Variants in DHX9 observed in about 807,000 individuals in gnomAD.
DHX9 encodes the protein ATP-dependent RNA helicase A.
A neutral mutation model predicts 148.7 loss-of-function variants in DHX9; 27 were observed. The observed-to-expected ratio is 0.18, with a 90% CI of 0.13 to 0.25. The LOEUF is 0.25. Ranked by LOEUF, DHX9 falls within the 10% of genes least tolerant of loss-of-function variation. The pLI is 1.00. For missense variants in DHX9, 796 were observed against 1,559.6 expected (o/e 0.51, Z 8.25); for synonymous variants, 529 against 516.6 (o/e 1.02, Z -0.33).
At chr1:182,868,775 A>G (rs1648413937) in intron 14 of DHX9, among the ~76,000 whole-genome samples, 1 of 152,040 alleles carries the variant, frequency 6.6e-6, no homozygotes, top group Non-Finnish European at 1.5e-5. Flanking sequence ...CCTGGCCTCA[A>G]AGCATTTCTT....
intron 8 of DHX9, 132 bp from the exon 9 acceptor site, chr1:182,858,418 TG>T: frequency 9.4e-7 from 1 of 1,064,582 alleles, no homozygotes; most frequent in Non-Finnish European, 1.4e-6. Context: ...AAATAATCAT[TG>T]AAGTAATTCT....
At chr1:182,872,299 A>C (rs1648584423) in intron 14 of DHX9, 38 bp from the exon 15 acceptor site, 1 of 1,565,390 alleles carries the variant, frequency 6.4e-7, no homozygotes, top group African/African-American at 1.4e-5. Context: ...ATATAAACTT[A>C]ATGTAATTTC....
Position 182,858,316 on chromosome 1 carries a change from A to T in DHX9, c.810+76A>T, listed in dbSNP as rs1355295239. ...GCTCTTGTTTAGTGTTTGGCTGAAG[A>T]AGTTTAATTTTAAGAATCTTACCTC... On this transcript the variant is annotated intron_variant, in intron 8 of 27. Coordinates refer to ENST00000367549, the MANE Select transcript of DHX9 (RefSeq NM_001357.5). 4.0e-6 allele frequency: 6 copies of T among 1,515,092 alleles called. No individual in the cohort carries two copies. In the Admixed American group the frequency reaches 1.0e-4, roughly 26 times the overall value. The allele number at this position is 1,515,092 out of a possible 1,614,324, so 93.9% of individuals were successfully genotyped here. A position where few individuals can be genotyped will look rare whatever the true frequency, so the allele number is the denominator to read the frequency against.
intron 3 of DHX9, among the ~76,000 whole-genome samples, chr1:182,846,697 G>A (rs373396948): frequency 1.6e-4 from 24 of 152,234 alleles, no homozygotes; most frequent in African/African-American, 5.3e-4. Context: ...TGTTGTGACC[G>A]GGCATGGGTT....
intron 25 of DHX9, 49 bp from the exon 26 acceptor site, chr1:182,883,471 G>T: frequency 6.3e-7 from 1 of 1,581,102 alleles, no homozygotes; most frequent in Non-Finnish European, 8.7e-7. Flanking sequence ...AGCGGTATTT[G>T]GAAGTTGGAA....
Position 182,876,469 on chromosome 1 carries a change from A to T in DHX9, c.2052A>T (p.Leu684=). ...TAGGAAGCCATCGGTATCAGATTCT[A>T]CCCCTGCATTCTCAGATTCCTCGAG... The part of the protein sequence containing the change: ...PHFGSHRYQI[L]PLHSQIPREE... The change falls in exon 18 of 28, where the codon CTA becomes CTT. Residue 684 remains leucine, a synonymous_variant. Transcript: ENST00000367549. 1.9e-6 allele frequency: 3 copies of T among 1,613,518 alleles called. No individual in the cohort carries two copies. Among genetic ancestry groups the T allele is most frequent in the Non-Finnish European group, 1.7e-6 (2 of 1,179,806 alleles).
intron 26 of DHX9, 53 bp from the exon 27 acceptor site, chr1:182,884,560 T>G: frequency 6.7e-7 from 1 of 1,487,672 alleles, no homozygotes; most frequent in Non-Finnish European, 9.3e-7. Context: ...GAGATAATGG[T>G]CTTTTTCTAC....
chr1:182,876,668 C>T, intron 18 of DHX9, 127 bp downstream of exon 18: 2 of 981,400 alleles, frequency 2.0e-6, no homozygotes, highest in Non-Finnish European at 3.1e-6. Context: ...AAGGAGTCTT[C>T]TCTTTCTGAG....
rs745763247 is a variant in DHX9, at chr1:182,874,965, T to G, written c.1815+11T>G. ...GGTGAGGATGATGATGTAAGTGAAT[T>G]TCATGAAGAATTTCCATTATGGGCA... On this transcript the variant is annotated intron_variant, in intron 16 of 27. Coordinates refer to ENST00000367549, the MANE Select transcript of DHX9 (RefSeq NM_001357.5). The G allele has an allele frequency of 6.2e-7, 1 of 1,601,552 alleles. No individual in the cohort carries two copies. The highest frequency in any genetic ancestry group is 1.7e-4 in the Middle Eastern group (1 of 6,030).
At chr1:182,851,965 A>G (rs559304201) in intron 3 of DHX9, among the ~76,000 whole-genome samples, 7 of 152,344 alleles carry the variant, frequency 4.6e-5, no homozygotes, top group Middle Eastern at 3.4e-3. Context: ...AAAATGTTAC[A>G]GTTTGTGAGG....
chr1:182,870,168 G>GATC (rs1648499198), intron 14 of DHX9, among the ~76,000 whole-genome samples: 2 of 152,160 alleles, frequency 1.3e-5, no homozygotes, highest in African/African-American at 4.8e-5. Context: ...AGAAAAATAA[G>GATC]TTTTATCACA....
In DHX9 at chr1:182,868,520, C is replaced by CTTTTTTTTTTTTTTTTT. The variant is rs59218081; in HGVS notation, c.1557+1491_1557+1492insTTTTTTTTTTTTTTTTT. Among the ~76,000 whole-genome samples, 439 of 127,334 alleles carry CTTTTTTTTTTTTTTTTT rather than the reference C, an allele frequency of 3.4e-3. 24 individuals carry two copies. The highest frequency in any genetic ancestry group is 9.0e-3 in the African/African-American group (249 of 27,788). The allele number at this position is 127,334 out of a possible 152,430, so 83.5% of individuals were successfully genotyped here. A position where few individuals can be genotyped will look rare whatever the true frequency, so the allele number is the denominator to read the frequency against. On this transcript the variant is annotated intron_variant, in intron 14 of 27. Transcript: ENST00000367549. ...GATAATCTAACACTTATTTTAATTC[C>CTTTTTTTTTTTTTTTTT]TTTTTTTTTTTTTTGAGGAGTCTTG...
rs1342899698 is a variant in DHX9 at position 182,866,710 on chromosome 1, CT to C, written c.1474+129del. The C allele has an allele frequency of 2.5e-5, 31 of 1,262,696 alleles. No individual in the cohort carries two copies. The Middle Eastern group carries it at 5.8e-4, about 24-fold the overall frequency. The allele number at this position is 1,262,696 out of a possible 1,614,324, so 78.2% of individuals were successfully genotyped here. A position where few individuals can be genotyped will look rare whatever the true frequency, so the allele number is the denominator to read the frequency against. On this transcript the variant is annotated intron_variant, in intron 13 of 27. Coordinates refer to ENST00000367549, the MANE Select transcript of DHX9 (RefSeq NM_001357.5). ...TCTCAGATTTCTTGTTTAAATAAAA[CT>C]TTTGGCAGTTTTTTCCTTCATGGAA...
intron 4 of DHX9, 40 bp from the exon 5 acceptor site, chr1:182,853,266 C>A: frequency 7.2e-7 from 1 of 1,380,746 alleles, no homozygotes; most frequent in Non-Finnish European, 1.0e-6. Flanking sequence ...GATTTTTCTA[C>A]AGTTATGACT....
intron 24 of DHX9, 25 bp from the exon 25 acceptor site, chr1:182,883,113 TG>T: frequency 6.6e-7 from 1 of 1,521,832 alleles, no homozygotes; most frequent in South Asian, 1.1e-5. Context: ...ATCTGATTTT[TG>T]TTTTCACTGT....
intron 21 of DHX9, 114 bp from the exon 22 acceptor site, chr1:182,880,383 T>C (rs1649033161): frequency 3.3e-6 from 2 of 609,138 alleles, no homozygotes; most frequent in Admixed American, 6.2e-5. Context: ...TATTAGCGAT[T>C]GGCTTGACAA....
intron 3 of DHX9, among the ~76,000 whole-genome samples, chr1:182,850,002 T>A (rs1414559514): frequency 4.8e-5 from 7 of 146,190 alleles, no homozygotes; most frequent in East Asian, 2.2e-4. Context: ...CTTTTTTTTT[T>A]AATTTCATCA....
At chr1:182,853,793 A>T (rs12091987) in intron 5 of DHX9, among the ~76,000 whole-genome samples, 5 of 145,634 alleles carry the variant, frequency 3.4e-5, no homozygotes, top group African/African-American at 1.0e-4. Flanking sequence ...AGAAGTTGTC[A>T]TTTTTTTTTT....
At chr1:182,857,144 G>A (rs979609204) in intron 7 of DHX9, among the ~76,000 whole-genome samples, 2 of 152,184 alleles carry the variant, frequency 1.3e-5, no homozygotes, top group Non-Finnish European at 2.9e-5. Context: ...ACTGTGCCTG[G>A]TCTTAAACAT....
Sources: allele counts gnomAD v4.1 joint callset (sites outside exome capture counted in the v4.1 genomes callset), GRCh38; gene constraint gnomAD v4.1.1; transcripts MANE v1.5; gene names NCBI Gene and HGNC (gene_info 2026-07-23, HGNC 2026-07-21).